HSPA5: variants seen among roughly 807,000 people sequenced by gnomAD.
HSPA5 encodes the protein endoplasmic reticulum chaperone BiP.
A neutral mutation model predicts 49.5 loss-of-function variants in HSPA5; 16 were observed. The ratio of observed to expected loss-of-function variants is 0.32; its 90% confidence interval spans 0.22 to 0.49. The LOEUF (loss-of-function observed/expected upper bound fraction) is 0.49. HSPA5 is among the 20% of genes least tolerant of loss of function. The pLI, the probability that HSPA5 is intolerant of heterozygous loss-of-function variation, is 0.99. For missense variants in HSPA5, 376 were observed against 819.0 expected (o/e 0.46, Z 6.60); for synonymous variants, 271 against 307.2 (o/e 0.88, Z 1.23).
chr9:125,240,393 G>T lies in HSPA5; in HGVS notation c.355-84C>A. 1 of 1,251,716 alleles carries T rather than the reference G, an allele frequency of 8.0e-7. No individual in the cohort carries two copies. The highest frequency in any genetic ancestry group is 1.1e-6 in the Non-Finnish European group (1 of 890,342). 77.5% of individuals were successfully genotyped at this position (1,251,716 alleles called of 1,614,324 possible). A position where few individuals can be genotyped will look rare whatever the true frequency, so the allele number is the denominator to read the frequency against. Reference sequence around the variant, plus strand: ...GACCCACTACCATCCCCACAATTTGGTTTATTTTGGTCCCTTGGGGCTGCA... The same window carrying T: ...GACCCACTACCATCCCCACAATTTGTTTTATTTTGGTCCCTTGGGGCTGCA... On this transcript the variant is annotated intron_variant, in intron 2 of 7. Coordinates refer to ENST00000324460, the MANE Select transcript of HSPA5 (RefSeq NM_005347.5). This position sits in a 1 kb window ranked among gnomAD's most constrained non-coding sequence, Gnocchi z 4.4.
In HSPA5 at chr9:125,240,116, C is replaced by G; in HGVS notation, c.492+56G>C. The G allele has an allele frequency of 7.0e-7, 1 of 1,435,520 alleles. No homozygotes were observed. Among genetic ancestry groups the G allele is most frequent in the Non-Finnish European group, 9.5e-7 (1 of 1,049,234 alleles). The allele number at this position is 1,435,520 out of a possible 1,614,324, so 88.9% of individuals were successfully genotyped here. ...TCACGAAGGCTTCTATACATAACAG[C>G]CAACCGAGAATACTAATGATCAAAA... On this transcript the variant is annotated intron_variant, in intron 3 of 7. Coordinates refer to ENST00000324460, the MANE Select transcript of HSPA5 (RefSeq NM_005347.5). This position sits in a 1 kb window ranked among gnomAD's most constrained non-coding sequence, Gnocchi z 4.4.
chr9:125,237,384 T>A (rs1488225441), intron 7 of HSPA5, among the ~76,000 whole-genome samples: 1 of 152,162 alleles, frequency 6.6e-6, no homozygotes, highest in Non-Finnish European at 1.5e-5. Context: ...TTTCTTGTAC[T>A]CTAGGAGCCA....
At position 125,238,572 on chromosome 9, in the gene HSPA5, G is replaced by A. The variant is rs1832525380; in HGVS notation, c.1234+18C>T. ...AAGCTACTGAATCACTAAGAAAGAT[G>A]CTGCGATGATGACCTACCTGTATCT... On this transcript the variant is annotated intron_variant, in intron 6 of 7. Transcript: ENST00000324460. 3 of 1,569,302 alleles carry A rather than the reference G, an allele frequency of 1.9e-6. No individual in the cohort carries two copies. Among genetic ancestry groups the A allele is most frequent in the African/African-American group, 1.4e-5 (1 of 73,988 alleles).
chr9:125,238,903 G>A (rs1832529879), intron 5 of HSPA5, 38 bp downstream of exon 5: 1 of 1,604,250 alleles, frequency 6.2e-7, no homozygotes. Flanking sequence ...CAGAGTCTAA[G>A]GAGATCTCAT....
At position 125,235,917 on chromosome 9, in the gene HSPA5, C is replaced by T. The variant is rs35130081; in HGVS notation, c.*675G>A. 1.3e-4 allele frequency: 19 copies of T among 151,902 alleles called. No individual in the cohort carries two copies. Among genetic ancestry groups the T allele is most frequent in the African/African-American group, 4.1e-4 (17 of 41,410 alleles). 9.4% of individuals were successfully genotyped at this position (151,902 alleles called of 1,614,324 possible). Reference sequence around the variant, plus strand: ...GGAAACCAAGTATGTTCAAGAAAACCCCACTCTTGGGCACTGTGAAATGCC... The same window carrying T: ...GGAAACCAAGTATGTTCAAGAAAACTCCACTCTTGGGCACTGTGAAATGCC... On this transcript the variant is annotated 3_prime_UTR_variant, in exon 8 of 8. Transcript: ENST00000324460.
Position 125,240,670 on chromosome 9 carries a change from T to G in HSPA5, c.354+6A>C. On this transcript the variant is annotated splice_donor_region_variant and intron_variant, in intron 2 of 7. Coordinates refer to ENST00000324460, the MANE Select transcript of HSPA5 (RefSeq NM_005347.5). This position sits in a 1 kb window ranked among gnomAD's most constrained non-coding sequence, Gnocchi z 4.4. ...CTCTAACTGGATGAGAAAAACCCGG[T>G]CGAACCTTGAACGGCAAGAACTTGA... is the stretch of plus-strand genomic sequence containing the variant. 2.5e-6 allele frequency: 4 copies of G among 1,608,080 alleles called. No individual in the cohort carries two copies. Among genetic ancestry groups the G allele is most frequent in the Non-Finnish European group, 3.4e-6 (4 of 1,174,882 alleles).
Position 125,241,301 on chromosome 9 carries a change from C to T in HSPA5, c.-175G>A, listed in dbSNP as rs959996287. On this transcript the variant is annotated 5_prime_UTR_variant, in exon 1 of 8. Transcript: ENST00000324460. ...GCGCTTCCCTCTCACACTCGCGAAA[C>T]ACCCCAATAGGTCAATCTGTCTGTG... 5.8e-6 allele frequency: 4 copies of T among 690,100 alleles called. No homozygotes were observed. The allele number at this position is 690,100 out of a possible 1,614,324, so 42.7% of individuals were successfully genotyped here.
Position 125,240,601 on chromosome 9 carries a change from T to C in HSPA5, c.354+75A>G. ...ACCTTCAACTGTTGTCTCAACACTT[T>C]TCCAGAGACTTATAACTCTAAATAC... On this transcript the variant is annotated intron_variant, in intron 2 of 7. Transcript: ENST00000324460. This position sits in a 1 kb window ranked among gnomAD's most constrained non-coding sequence, Gnocchi z 4.4. The C allele has an allele frequency of 8.0e-7, 1 of 1,244,226 alleles. No individual in the cohort carries two copies. The highest frequency in any genetic ancestry group is 1.2e-6 in the Non-Finnish European group (1 of 861,448). 77.1% of individuals were successfully genotyped at this position (1,244,226 alleles called of 1,614,324 possible).
chr9:125,241,034 G>A lies in HSPA5; in HGVS notation c.93C>T (p.Val31=), dbSNP rs1160013150. The A allele has an allele frequency of 5.6e-6, 9 of 1,613,812 alleles. No homozygotes were observed. Among genetic ancestry groups the A allele is most frequent in the Non-Finnish European group, 7.6e-6 (9 of 1,179,966 alleles). ...AGTAGGTGGTCCCCAGGTCGATGCC[G>A]ACCACCGTGCCCACGTCCTCCTTCT... is the stretch of plus-strand genomic sequence containing the variant. ...EDKKEDVGTV[V]GIDLGTTYSC... Residue 31 remains valine, a synonymous_variant, in exon 1 of 8, where the codon GTC becomes GTT. Coordinates refer to ENST00000324460, the MANE Select transcript of HSPA5 (RefSeq NM_005347.5).
chr9:125,237,254 GT>G (rs1832509611), intron 7 of HSPA5, 100 bp from the exon 8 acceptor site: 1 of 852,878 alleles, frequency 1.2e-6, no homozygotes, highest in Non-Finnish European at 1.8e-6. Flanking sequence ...GACACTTTTG[GT>G]TTTATCGAGC....
Position 125,239,600 on chromosome 9 carries a change from GC to G in HSPA5, c.493-68del. ...TAACCCTTATTTAAATTACAGTCTG[GC>G]CAGGCGGTGGCTTCTGCCTATAATC... On this transcript the variant is annotated intron_variant, in intron 3 of 7. Coordinates refer to ENST00000324460, the MANE Select transcript of HSPA5 (RefSeq NM_005347.5). This position sits in a 1 kb window ranked among gnomAD's most constrained non-coding sequence, Gnocchi z 5.5. 1 of 1,304,932 alleles carries G rather than the reference GC, an allele frequency of 7.7e-7. No homozygotes were observed. 80.8% of individuals were successfully genotyped at this position (1,304,932 alleles called of 1,614,324 possible).
At chr9:125,237,944 A>C (rs1832518465) in intron 7 of HSPA5, among the ~76,000 whole-genome samples, 197 bp downstream of exon 7, 1 of 152,108 alleles carries the variant, frequency 6.6e-6, no homozygotes, top group African/African-American at 2.4e-5. Flanking sequence ...TCTACTAAAA[A>C]TACAGAAATT....
In HSPA5 at chr9:125,236,243, A is replaced by AAAAAT. The variant is rs1459765329; in HGVS notation, c.*348_*349insATTTT. The AAAAAT allele has an allele frequency of 4.5e-6, 1 of 220,178 alleles. No individual in the cohort carries two copies. Among genetic ancestry groups the AAAAAT allele is most frequent in the Non-Finnish European group, 8.8e-6 (1 of 113,454 alleles). 13.6% of individuals were successfully genotyped at this position (220,178 alleles called of 1,614,324 possible). On this transcript the variant is annotated 3_prime_UTR_variant, in exon 8 of 8. Coordinates refer to ENST00000324460, the MANE Select transcript of HSPA5 (RefSeq NM_005347.5). ...AGAAGCTTCTCACAAACATTAGACC[A>AAAAAT]GTGTAAATAACAAACATTTATTGGT...
Position 125,240,619 on chromosome 9 carries a change from CTAAA to C in HSPA5, c.354+53_354+56del. 7.0e-7 allele frequency: 1 copy of C among 1,422,298 alleles called. No homozygotes were observed. 88.1% of individuals were successfully genotyped at this position (1,422,298 alleles called of 1,614,324 possible). ...AACACTTTTCCAGAGACTTATAACT[CTAAA>C]TACTCCCACCACCCACCCGTTCTCT... On this transcript the variant is annotated intron_variant, in intron 2 of 7. Coordinates refer to ENST00000324460, the MANE Select transcript of HSPA5 (RefSeq NM_005347.5). The surrounding 1 kb of genome is among the most constrained non-coding windows in gnomAD (Gnocchi z 4.4).
chr9:125,238,432 C>T (rs1832523967), intron 6 of HSPA5, 124 bp from the exon 7 acceptor site: 14 of 1,000,266 alleles, frequency 1.4e-5, no homozygotes, highest in Non-Finnish European at 2.1e-5. Flanking sequence ...TAAACAGTTG[C>T]TAATGATCTT....
chr9:125,240,254 G>C lies in HSPA5; in HGVS notation c.410C>G (p.Thr137Arg). 6.2e-7 allele frequency: 1 copy of C among 1,611,466 alleles called. No individual in the cohort carries two copies. Among genetic ancestry groups the C allele is most frequent in the Non-Finnish European group, 8.5e-7 (1 of 1,178,032 alleles). ...AATTTCTTCAGGAGCAAATGTCTTT[G>C]TTTGCCCACCTCCAATATCAACTTG... ...YIQVDIGGGQTKTFAPEEISA... is the reference protein window; with the variant it reads ...YIQVDIGGGQRKTFAPEEISA... The change falls in exon 3 of 8, where the codon ACA becomes AGA. Residue 137 changes from threonine to arginine, a missense_variant. This residue lies in a region of HSPA5 where 89 missense variants were observed against 200.0 expected (regional missense o/e 0.44). Coordinates refer to ENST00000324460, the MANE Select transcript of HSPA5 (RefSeq NM_005347.5). The surrounding 1 kb of genome is among the most constrained non-coding windows in gnomAD (Gnocchi z 4.4).
At position 125,238,174 on chromosome 9, in the gene HSPA5, T is replaced by A. The variant is rs535209940; in HGVS notation, c.1369A>T (p.Asn457Tyr). Residue 457 changes from asparagine to tyrosine, a missense_variant, in exon 7 of 8, where the codon AAT becomes TAT. By Grantham distance (143) the Asn-to-Tyr change is moderately radical (BLOSUM62 -2). This residue lies in a region of HSPA5 where 71 missense variants were observed against 169.9 expected (regional missense o/e 0.42). Coordinates refer to ENST00000324460, the MANE Select transcript of HSPA5 (RefSeq NM_005347.5). Reference protein sequence around the residue: ...KSQIFSTASDNQPTVTIKVYE... With the variant: ...KSQIFSTASDYQPTVTIKVYE... ...ACCTTGATTGTAACAGTTGGTTGAT[T>A]ATCAGAAGCTGTAGAAAAGATCTGA... The A allele has an allele frequency of 5.6e-6, 9 of 1,613,998 alleles. No individual in the cohort carries two copies. The South Asian group carries it at 9.9e-5, about 18-fold the overall frequency.
rs1327620993 is a variant in HSPA5 at position 125,234,882 on chromosome 9, C to T, written c.*1710G>A. On this transcript the variant is annotated 3_prime_UTR_variant, in exon 8 of 8. Coordinates refer to ENST00000324460, the MANE Select transcript of HSPA5 (RefSeq NM_005347.5). Reference sequence around the variant, plus strand: ...AGTCTATCTTTTTAATATTCAGTAACAGCTCCTCAGAAAGAGTTACAGACT... The same window carrying T: ...AGTCTATCTTTTTAATATTCAGTAATAGCTCCTCAGAAAGAGTTACAGACT... The T allele has an allele frequency of 6.6e-6, 1 of 152,024 alleles. No individual in the cohort carries two copies. Among genetic ancestry groups the T allele is most frequent in the African/African-American group, 2.4e-5 (1 of 41,404 alleles). The allele number at this position is 152,024 out of a possible 1,614,324, so 9.4% of individuals were successfully genotyped here. A position where few individuals can be genotyped will look rare whatever the true frequency, so the allele number is the denominator to read the frequency against.
intron 7 of HSPA5, 77 bp from the exon 8 acceptor site, chr9:125,237,231 T>C (rs1832509366): frequency 6.5e-6 from 7 of 1,081,510 alleles, no homozygotes; most frequent in Non-Finnish European, 9.4e-6. Flanking sequence ...CATTTCAGTC[T>C]GAAGCATAAA....
Sources: allele counts gnomAD v4.1 joint callset (sites outside exome capture counted in the v4.1 genomes callset), GRCh38; gene constraint gnomAD v4.1.1; regional missense constraint gnomAD v4.1.1; non-coding constraint Gnocchi (gnomAD v3.1); transcripts MANE v1.5; gene names NCBI Gene and HGNC (gene_info 2026-07-23, HGNC 2026-07-21).